Variants in CDIN1 observed in about 807,000 individuals in gnomAD.
CDIN1 encodes CDAN1-interacting nuclease 1.
CDIN1 carries 33 observed loss-of-function variants against 45.3 expected under a neutral mutation model. The ratio of observed to expected loss-of-function variants is 0.73; its 90% CI spans 0.55 to 0.97. The LOEUF (loss-of-function observed/expected upper bound fraction) is 0.97. Ranked by LOEUF, CDIN1 falls within the 50% of genes least tolerant of loss-of-function variation. CDIN1 has a pLI of 0.00. For missense variants in CDIN1, 303 were observed against 339.4 expected (o/e 0.89, Z 0.84); for synonymous variants, 118 against 124.4 (o/e 0.95, Z 0.34).
chr15:36,645,022 C>T (rs981589866), intron 2 of CDIN1, among the ~76,000 whole-genome samples: 1 of 152,052 alleles, frequency 6.6e-6, no homozygotes, highest in Non-Finnish European at 1.5e-5. Flanking sequence ...TGAAGACATC[C>T]CAGCCAAGCA....
intron 1 of CDIN1, among the ~76,000 whole-genome samples, chr15:36,636,083 A>T (rs563063906): frequency 6.6e-6 from 1 of 152,338 alleles, no homozygotes. Context: ...GTACGCAGTC[A>T]CATATTGAAG....
intron 5 of CDIN1, among the ~76,000 whole-genome samples, chr15:36,665,537 G>C (rs1488786292): frequency 6.6e-6 from 1 of 152,182 alleles, no homozygotes; most frequent in Admixed American, 6.5e-5. Context: ...AAACTGATCA[G>C]TGAACAGGTT....
intron 1 of CDIN1, among the ~76,000 whole-genome samples, chr15:36,609,678 C>G (rs1056179305): frequency 3.9e-5 from 6 of 152,188 alleles, no homozygotes; most frequent in African/African-American, 1.4e-4. Context: ...TTTCCTGGGC[C>G]AGAAGATACT....
At chr15:36,779,585 C>T (rs2054300181) in intron 10 of CDIN1, among the ~76,000 whole-genome samples, 2 of 152,168 alleles carry the variant, frequency 1.3e-5, no homozygotes, top group Admixed American at 6.6e-5. Context: ...CTATCTTGCT[C>T]CTCAGCCAAT....
intron 10 of CDIN1, among the ~76,000 whole-genome samples, chr15:36,728,677 AT>A (rs1013957813): frequency 2.0e-5 from 3 of 150,888 alleles, no homozygotes; most frequent in Admixed American, 6.6e-5. Flanking sequence ...TGTGAAAAAA[AT>A]TTTTTTTTCT....
At chr15:36,656,792 G>A (rs1203310307) in intron 4 of CDIN1, among the ~76,000 whole-genome samples, 2 of 152,024 alleles carry the variant, frequency 1.3e-5, no homozygotes, top group South Asian at 2.1e-4. Context: ...AAGTACATAC[G>A]TATTTGAAAA....
intron 1 of CDIN1, among the ~76,000 whole-genome samples, chr15:36,620,275 C>CG (rs1166663361): frequency 1.3e-5 from 2 of 151,884 alleles, no homozygotes; most frequent in African/African-American, 4.8e-5. Context: ...GGCGTGACAC[C>CG]GGGGGGCGGA....
chr15:36,631,503 G>A (rs549319622), intron 1 of CDIN1, among the ~76,000 whole-genome samples: 3 of 152,174 alleles, frequency 2.0e-5, no homozygotes, highest in Admixed American at 6.5e-5. Context: ...AAATAGAATC[G>A]TACAAGATGT....
chr15:36,677,072 TCTTTC>T (rs1040722894), intron 5 of CDIN1, among the ~76,000 whole-genome samples: 27 of 152,320 alleles, frequency 1.8e-4, no homozygotes, highest in African/African-American at 6.5e-4. Context: ...AGTAGTCTTC[TCTTTC>T]CTTTGGCAGT....
intron 1 of CDIN1, among the ~76,000 whole-genome samples, chr15:36,601,342 T>A (rs1007931566): frequency 1.3e-5 from 2 of 152,180 alleles, no homozygotes; most frequent in African/African-American, 2.4e-5. Flanking sequence ...CTATACCCCA[T>A]TTTCTTTTCG....
At chr15:36,700,572 G>A (rs781068337) in intron 8 of CDIN1, among the ~76,000 whole-genome samples, 1 of 150,882 alleles carries the variant, frequency 6.6e-6, no homozygotes, top group Non-Finnish European at 1.5e-5. Flanking sequence ...CTTTCTCACC[G>A]GGACCTTCCT....
chr15:36,776,169 C>G (rs955253549), intron 10 of CDIN1, among the ~76,000 whole-genome samples: 2 of 152,158 alleles, frequency 1.3e-5, no homozygotes, highest in Non-Finnish European at 2.9e-5. Context: ...AAGTACGACC[C>G]ATTCACATTC....
chr15:36,732,757 A>G (rs1270359519), intron 10 of CDIN1, among the ~76,000 whole-genome samples: 1 of 152,122 alleles, frequency 6.6e-6, no homozygotes, highest in Non-Finnish European at 1.5e-5. Context: ...GGAATTATCT[A>G]AAAGTACCAT....
chr15:36,737,910 TCAG>T (rs1265479154), intron 10 of CDIN1, among the ~76,000 whole-genome samples: 2 of 152,142 alleles, frequency 1.3e-5, no homozygotes, highest in Non-Finnish European at 2.9e-5. Flanking sequence ...AATCACCAGG[TCAG>T]AACTCACCTT....
chr15:36,802,147 G>A (rs2055070766), intron 10 of CDIN1, among the ~76,000 whole-genome samples: 1 of 152,218 alleles, frequency 6.6e-6, no homozygotes, highest in Non-Finnish European at 1.5e-5. Context: ...GGCGGCTTGG[G>A]TTCGAAACCT....
intron 10 of CDIN1, among the ~76,000 whole-genome samples, chr15:36,796,319 G>GAT (rs1202522232): frequency 6.6e-6 from 1 of 152,184 alleles, no homozygotes; most frequent in Admixed American, 6.5e-5. Flanking sequence ...TCACTTTATA[G>GAT]ATAGAGAAAT....
chr15:36,717,172 T>G (rs1595512267), intron 10 of CDIN1, among the ~76,000 whole-genome samples: 1 of 152,176 alleles, frequency 6.6e-6, no homozygotes, highest in Admixed American at 6.5e-5. Context: ...AAAACAACTT[T>G]ATTGCGGTAT....
At chr15:36,588,768 C>G (rs908809210) in intron 1 of CDIN1, among the ~76,000 whole-genome samples, 2 of 152,156 alleles carry the variant, frequency 1.3e-5, no homozygotes, top group East Asian at 3.9e-4. Flanking sequence ...TAGTGTATGG[C>G]CCCTTCACTT....
At chr15:36,794,635 CTTTT>C (rs990818249) in intron 10 of CDIN1, among the ~76,000 whole-genome samples, 11 of 147,266 alleles carry the variant, frequency 7.5e-5, no homozygotes, top group Admixed American at 6.7e-4. Context: ...GGATTTTCCT[CTTTT>C]TTAAGACTGT....
Sources: gnomAD v4.1 joint callset for allele counts (sites outside exome capture counted in the v4.1 genomes callset) on GRCh38, gnomAD v4.1.1 for gene constraint, MANE v1.5 for transcripts, NCBI Gene and HGNC (gene_info 2026-07-23, HGNC 2026-07-21) for gene names.